MYO3B: variants seen among roughly 807,000 people sequenced by gnomAD.
MYO3B encodes the protein myosin IIIB, also known as myosin-IIIb.
Under a neutral mutation model 174.6 loss-of-function variants are expected in MYO3B, and 156 were observed. The observed-to-expected ratio is 0.89, with a 90% CI of 0.78 to 1.02. The LOEUF is 1.02. Among genes scored for constraint, MYO3B ranks in the 50% least tolerant of loss-of-function variants. The pLI is 0.00. For missense variants in MYO3B, 1,632 were observed against 1,639.4 expected (o/e 1.00, Z 0.08); for synonymous variants, 563 against 569.1 (o/e 0.99, Z 0.15).
At chr2:170,620,950 G>A (rs6720917) in intron 32 of MYO3B, among the ~76,000 whole-genome samples, 82,333 of 151,824 alleles carry the variant, frequency 0.54, 23,483 homozygotes, top group Non-Finnish European at 0.64. Context: ...GTGCAGTGGC[G>A]GGATCTCGGC....
chr2:170,450,538 G>C (rs911566824), intron 23 of MYO3B, among the ~76,000 whole-genome samples: 4 of 151,758 alleles, frequency 2.6e-5, no homozygotes, highest in African/African-American at 9.7e-5. Context: ...CATGAGGCCA[G>C]CTGAATCTGT....
chr2:170,631,698 T>C (rs10202993), intron 32 of MYO3B, among the ~76,000 whole-genome samples: 111,779 of 151,420 alleles, frequency 0.74, 41,942 homozygotes, highest in Admixed American at 0.83. Flanking sequence ...AGACTAACAG[T>C]GGATCTCTCA....
chr2:170,439,229 G>A (rs1455507215), intron 22 of MYO3B, among the ~76,000 whole-genome samples: 3 of 151,530 alleles, frequency 2.0e-5, no homozygotes, highest in Non-Finnish European at 2.9e-5. Flanking sequence ...AAAATTAGAC[G>A]GGCATGCTGG....
Position 170,205,385 on chromosome 2 carries a change from AC to A in MYO3B, c.321+5104del, listed in dbSNP as rs1361119959. On this transcript the variant is annotated intron_variant, in intron 3 of 34. Transcript: ENST00000408978. Reference sequence around the variant, plus strand: ...CAGGGTTGCATTTTCTGGGATCATCACCCAGCATTTAATTTAAAATTTCTCT... The same window carrying A: ...CAGGGTTGCATTTTCTGGGATCATCACCAGCATTTAATTTAAAATTTCTCT... Among the ~76,000 whole-genome samples, 3 of 152,214 alleles carry A rather than the reference AC, an allele frequency of 2.0e-5. No homozygotes were observed. In the East Asian group the frequency reaches 5.8e-4, roughly 29 times the overall value.
intron 7 of MYO3B, among the ~76,000 whole-genome samples, chr2:170,285,815 T>C (rs1382082478): frequency 6.6e-6 from 1 of 151,948 alleles, no homozygotes; most frequent in African/African-American, 2.4e-5. Context: ...ATTTTTTTTT[T>C]TTTACAAGTT....
intron 23 of MYO3B, among the ~76,000 whole-genome samples, chr2:170,462,496 T>C (rs1317346093): frequency 1.3e-5 from 2 of 152,246 alleles, no homozygotes; most frequent in African/African-American, 2.4e-5. Context: ...TTCACTTTCA[T>C]TGAACAAGGC....
chr2:170,361,455 A>G (rs2094160276), intron 8 of MYO3B, among the ~76,000 whole-genome samples: 1 of 152,226 alleles, frequency 6.6e-6, no homozygotes, highest in Non-Finnish European at 1.5e-5. Flanking sequence ...AATCCTTAAG[A>G]CTGCCTTAAT....
At chr2:170,287,454 G>A (rs181243496) in intron 7 of MYO3B, among the ~76,000 whole-genome samples, 239 of 151,526 alleles carry the variant, frequency 1.6e-3, no homozygotes, top group Middle Eastern at 3.4e-3. Flanking sequence ...TATCATTGTG[G>A]TTTTGATTTG....
At chr2:170,636,055 AGT>A (rs1354096788) in intron 32 of MYO3B, among the ~76,000 whole-genome samples, 3 of 152,338 alleles carry the variant, frequency 2.0e-5, no homozygotes, top group African/African-American at 7.2e-5. Context: ...CGTATTATAT[AGT>A]GTGTGGAATA....
At chr2:170,649,777 A>G (rs1232910965) in intron 32 of MYO3B, 3 of 149,408 alleles carry the variant, frequency 2.0e-5, no homozygotes, top group Non-Finnish European at 4.4e-5. Flanking sequence ...CAGTGAGCCA[A>G]GATCACACCA....
chr2:170,652,888 T>C, intron 34 of MYO3B, 95 bp from the exon 35 acceptor site: 6 of 1,423,304 alleles, frequency 4.2e-6, no homozygotes, highest in Non-Finnish European at 5.8e-6. Context: ...AGCCCAACCC[T>C]GTTCCAGCTA....
intron 25 of MYO3B, among the ~76,000 whole-genome samples, chr2:170,496,328 T>C (rs1388308193): frequency 1.3e-5 from 2 of 152,164 alleles, no homozygotes; most frequent in East Asian, 3.8e-4. Flanking sequence ...TATGGATATA[T>C]TTGGCAGGGG....
chr2:170,183,427 AG>A (rs1336876945), intron 1 of MYO3B, among the ~76,000 whole-genome samples: 2 of 152,100 alleles, frequency 1.3e-5, no homozygotes, highest in African/African-American at 4.8e-5. Flanking sequence ...TGTTCTCGTT[AG>A]GTTTAGCTTT....
chr2:170,192,436 A>G (rs191818986), intron 1 of MYO3B, among the ~76,000 whole-genome samples: 1 of 150,654 alleles, frequency 6.6e-6, no homozygotes, highest in East Asian at 1.9e-4. Context: ...TTTCTTTTCT[A>G]TTTTTATTTG....
In MYO3B at chr2:170,206,570, C is replaced by T. The variant is rs1300281397; in HGVS notation, c.321+6286C>T. ...CCCCCAGCCTGACTAAAGGAGGCAA[C>T]TGATTCTAACCCATTTTGTTAAACT... is the stretch of plus-strand genomic sequence containing the variant. On this transcript the variant is annotated intron_variant, in intron 3 of 34. Transcript: ENST00000408978. The surrounding 1 kb of genome is among the most constrained non-coding windows in gnomAD (Gnocchi z 4.3). Among the ~76,000 whole-genome samples, 5 of 152,222 alleles carry T rather than the reference C, an allele frequency of 3.3e-5. No individual in the cohort carries two copies. The East Asian group carries it at 5.8e-4, about 18-fold the overall frequency.
At chr2:170,469,998 A>C (rs1045838682) in intron 25 of MYO3B, among the ~76,000 whole-genome samples, 1 of 148,816 alleles carries the variant, frequency 6.7e-6, no homozygotes, top group Non-Finnish European at 1.5e-5. Context: ...GCTACTGAGC[A>C]GGCTGAGGCA....
intron 7 of MYO3B, among the ~76,000 whole-genome samples, chr2:170,273,904 G>T (rs192424813): frequency 6.5e-4 from 99 of 152,160 alleles, no homozygotes; most frequent in African/African-American, 2.1e-3. Flanking sequence ...AAATGGCAGT[G>T]GGGGGGCACC....
intron 23 of MYO3B, among the ~76,000 whole-genome samples, chr2:170,452,678 G>C (rs542338077): frequency 2.6e-5 from 4 of 152,176 alleles, no homozygotes; most frequent in Admixed American, 6.5e-5. Flanking sequence ...TTTTAACTAA[G>C]GTTATAACTT....
chr2:170,322,389 C>T (rs545375761), intron 7 of MYO3B, among the ~76,000 whole-genome samples: 11 of 152,178 alleles, frequency 7.2e-5, no homozygotes, highest in Non-Finnish European at 1.5e-4. Flanking sequence ...CTCAGTTAGG[C>T]CCCCTTACAA....
Sources: allele counts gnomAD v4.1 joint callset (sites outside exome capture counted in the v4.1 genomes callset), GRCh38; gene constraint gnomAD v4.1.1; non-coding constraint Gnocchi (gnomAD v3.1); transcripts MANE v1.5; gene names NCBI Gene and HGNC (gene_info 2026-07-23, HGNC 2026-07-21).